NLGN4X: variants seen among roughly 807,000 people sequenced by gnomAD.
NLGN4X encodes neuroligin 4 X-linked.
NLGN4X carries 3 observed loss-of-function variants against 40.3 expected under a neutral mutation model. The observed-to-expected ratio is 0.07, with a 90% CI of 0.03 to 0.19. NLGN4X has a LOEUF of 0.19. Among genes scored for constraint, NLGN4X ranks in the 10% least tolerant of loss-of-function variants. The probability of loss-of-function intolerance (pLI) is 1.00; values close to 1 mark genes in which losing one functional copy is unlikely to be tolerated. For synonymous variants in NLGN4X, 270 were observed against 306.8 expected (o/e 0.88, Z 1.25); for missense variants, 382 against 708.3 (o/e 0.54, Z 5.23).
At chrX:5,897,581 C>G (rs2031571590) in intron 5 of NLGN4X, among the ~76,000 whole-genome samples, 1 of 111,808 alleles carries the variant, frequency 8.9e-6, no homozygotes, top group African/African-American at 3.3e-5. Context: ...ATTGAAACAC[C>G]TCCTTGCTAC....
At chrX:6,029,039 T>C (rs2036785121) in intron 3 of NLGN4X, among the ~76,000 whole-genome samples, 1 of 112,607 alleles carries the variant, frequency 8.9e-6, no homozygotes. Flanking sequence ...ATGCTATAAA[T>C]AAAATTTCAT....
intron 3 of NLGN4X, among the ~76,000 whole-genome samples, chrX:5,942,039 T>A (rs1227118405): frequency 1.8e-5 from 2 of 110,960 alleles, no homozygotes; most frequent in Non-Finnish European, 3.8e-5. Context: ...GAGAACTGCT[T>A]GAGCCTAAAA....
At chrX:6,227,143 G>C (rs1488379646) in intron 1 of NLGN4X, 3 of 112,488 alleles carry the variant, frequency 2.7e-5, no homozygotes, top group Non-Finnish European at 5.6e-5. Context: ...GCGGGGAGGC[G>C]GGGGAAGAGA....
At chrX:6,023,977 G>A (rs768199076) in intron 3 of NLGN4X, among the ~76,000 whole-genome samples, 3 of 110,146 alleles carry the variant, frequency 2.7e-5, no homozygotes, top group Non-Finnish European at 5.7e-5. Context: ...GAAGGTCTTT[G>A]GACTATCATG....
intron 3 of NLGN4X, among the ~76,000 whole-genome samples, chrX:5,921,734 T>C (rs2033075429): frequency 8.9e-6 from 1 of 112,058 alleles, no homozygotes; most frequent in African/African-American, 3.2e-5. Context: ...GCATGAAAAC[T>C]GAAAAGTTAT....
chrX:6,067,215 A>C (rs2037945227), intron 2 of NLGN4X, among the ~76,000 whole-genome samples: 1 of 111,808 alleles, frequency 8.9e-6, no homozygotes, highest in Non-Finnish European at 1.9e-5. Flanking sequence ...GTTTTAATAC[A>C]TAAACTGGTA....
chrX:6,093,351 T>C (rs1342346253), intron 2 of NLGN4X, among the ~76,000 whole-genome samples: 4 of 112,065 alleles, frequency 3.6e-5, no homozygotes, highest in Non-Finnish European at 7.5e-5. Context: ...GGGAGACAGG[T>C]GATTGGTATT....
At chrX:6,087,302 T>G (rs1327886639) in intron 2 of NLGN4X, among the ~76,000 whole-genome samples, 1 of 111,506 alleles carries the variant, frequency 9.0e-6, no homozygotes, top group African/African-American at 3.3e-5. Context: ...TGTATACAAA[T>G]CTACACATAA....
At chrX:6,134,346 C>G (rs1260291570) in intron 2 of NLGN4X, among the ~76,000 whole-genome samples, 1 of 111,800 alleles carries the variant, frequency 8.9e-6, no homozygotes, top group Non-Finnish European at 1.9e-5. Flanking sequence ...CTCTGTCTGT[C>G]TGAAATGACT....
At chrX:6,195,772 AATTATT>A (rs955000764) in intron 1 of NLGN4X, among the ~76,000 whole-genome samples, 1 of 110,581 alleles carries the variant, frequency 9.0e-6, no homozygotes, top group Non-Finnish European at 1.9e-5. Flanking sequence ...ATACGGTAAA[AATTATT>A]ATTATTATTT....
intron 5 of NLGN4X, among the ~76,000 whole-genome samples, chrX:5,897,085 G>A (rs187643599): frequency 9.0e-6 from 1 of 111,632 alleles, no homozygotes; most frequent in East Asian, 2.8e-4. Flanking sequence ...CCCCAGACTC[G>A]ATGGAACAAC....
At chrX:6,173,993 G>T (rs966762963) in intron 1 of NLGN4X, among the ~76,000 whole-genome samples, 1 of 111,448 alleles carries the variant, frequency 9.0e-6, no homozygotes, top group Non-Finnish European at 1.9e-5. Context: ...AGGAGGTAGA[G>T]GTTGCAGTGA....
At chrX:5,998,908 A>G (rs988591375) in intron 3 of NLGN4X, among the ~76,000 whole-genome samples, 1 of 112,709 alleles carries the variant, frequency 8.9e-6, no homozygotes, top group East Asian at 2.8e-4. Context: ...AAATGATCAC[A>G]GTTTCATTTT....
chrX:5,894,233 A>G (rs2031368903), intron 5 of NLGN4X, among the ~76,000 whole-genome samples: 1 of 112,375 alleles, frequency 8.9e-6, no homozygotes, highest in African/African-American at 3.2e-5. Flanking sequence ...GAGGTTGAGA[A>G]ATTCTGATTA....
intron 2 of NLGN4X, among the ~76,000 whole-genome samples, chrX:6,078,923 C>G (rs757154327): frequency 2.9e-4 from 32 of 111,213 alleles, no homozygotes; most frequent in African/African-American, 9.2e-4. Flanking sequence ...CTCATGATAG[C>G]GAGTGAGTTC....
chrX:6,135,939 T>A (rs1239162140), intron 2 of NLGN4X, among the ~76,000 whole-genome samples: 1 of 112,558 alleles, frequency 8.9e-6, no homozygotes, highest in African/African-American at 3.2e-5. Context: ...AACCTGAATT[T>A]CTTTCACTTG....
chrX:5,984,293 T>C (rs1292132294), intron 3 of NLGN4X, among the ~76,000 whole-genome samples: 4 of 108,306 alleles, frequency 3.7e-5, no homozygotes, highest in African/African-American at 3.4e-5. Flanking sequence ...TTAGATACAG[T>C]AGAAAAGAGA....
intron 1 of NLGN4X, among the ~76,000 whole-genome samples, chrX:6,202,663 C>T (rs766518581): frequency 9.0e-6 from 1 of 111,001 alleles, no homozygotes; most frequent in South Asian, 3.9e-4. Context: ...GATATGTCTG[C>T]CAAGTTTCAG....
At chrX:6,185,963 T>A (rs1389533695) in intron 1 of NLGN4X, among the ~76,000 whole-genome samples, 1 of 112,275 alleles carries the variant, frequency 8.9e-6, no homozygotes, top group Non-Finnish European at 1.9e-5. Context: ...GCCCCACTCA[T>A]CCATACACCC....
Sources: allele counts gnomAD v4.1 joint callset (sites outside exome capture counted in the v4.1 genomes callset), GRCh38; gene constraint gnomAD v4.1.1; transcripts MANE v1.5; gene names NCBI Gene and HGNC (gene_info 2026-07-23, HGNC 2026-07-21).